Variants in ATXN10 observed in about 807,000 individuals in gnomAD.
ATXN10 encodes the protein ataxin-10.
Under a neutral mutation model 52.9 loss-of-function variants are expected in ATXN10, and 28 were observed. The observed-to-expected ratio is 0.53, with a 90% CI of 0.39 to 0.73. ATXN10 has a LOEUF of 0.73. ATXN10 is among the 30% of genes least tolerant of loss of function. The pLI, the probability that ATXN10 is intolerant of heterozygous loss-of-function variation, is 0.00. For synonymous variants in ATXN10, 226 were observed against 221.5 expected, an observed-to-expected ratio of 1.02 and a Z score of -0.18; for missense variants, 565 against 577.0, an observed-to-expected ratio of 0.98 and a Z score of 0.21.
Position 45,684,383 on chromosome 22 carries a change from C to T in ATXN10, c.117-5329C>T, listed in dbSNP as rs563230021. 3.9e-5 allele frequency among the ~76,000 whole-genome samples: 6 copies of T among 152,092 alleles called. No individual in the cohort carries two copies. In the East Asian group the frequency reaches 1.2e-3, roughly 29 times the overall value. Reference sequence around the variant, plus strand: ...GGGGAGAGGACTGGTATGTTTGGAGCCCTTTAAAGCAGGGGTTGCCAGACC... The same window carrying T: ...GGGGAGAGGACTGGTATGTTTGGAGTCCTTTAAAGCAGGGGTTGCCAGACC... On this transcript the variant is annotated intron_variant, in intron 1 of 11. Coordinates refer to ENST00000252934, the MANE Select transcript of ATXN10 (RefSeq NM_013236.4). The surrounding 1 kb of genome is among the most constrained non-coding windows in gnomAD (Gnocchi z 4.1).
rs1206438944 is a variant in ATXN10 at position 45,840,246 on chromosome 22, G to C, written c.1238-2745G>C. 6.6e-6 allele frequency among the ~76,000 whole-genome samples: 1 copy of C among 152,146 alleles called. No individual in the cohort carries two copies. Among genetic ancestry groups the C allele is most frequent in the Admixed American group, 6.5e-5 (1 of 15,272 alleles). On this transcript the variant is annotated intron_variant, in intron 10 of 11. Coordinates refer to ENST00000252934, the MANE Select transcript of ATXN10 (RefSeq NM_013236.4). This position sits in a 1 kb window ranked among gnomAD's most constrained non-coding sequence, Gnocchi z 5.8. ...GAACGAGACTCGGTGCTAGGATATC[G>C]AAGTCAATTAGATGGGGCTCCTGCC...
rs1926887647 is a variant in ATXN10, at chr22:45,774,593, T to G, written c.1174-32366T>G. Reference sequence around the variant, plus strand: ...TCCCAACTCTAGGAAATCTTCCATGTCAGGTTCCTGAAAAAGAGAAAGGAT... The same window carrying G: ...TCCCAACTCTAGGAAATCTTCCATGGCAGGTTCCTGAAAAAGAGAAAGGAT... On this transcript the variant is annotated intron_variant, in intron 9 of 11. Coordinates refer to ENST00000252934, the MANE Select transcript of ATXN10 (RefSeq NM_013236.4). This position sits in a 1 kb window ranked among gnomAD's most constrained non-coding sequence, Gnocchi z 6.2. Among the ~76,000 whole-genome samples the G allele has an allele frequency of 6.6e-6, 1 of 152,250 alleles. No homozygotes were observed.
intron 5 of ATXN10, among the ~76,000 whole-genome samples, chr22:45,711,730 C>A (rs1278378763): frequency 1.3e-5 from 2 of 152,078 alleles, no homozygotes; most frequent in African/African-American, 4.8e-5. Context: ...CGGTAAAGCA[C>A]CTGTGTATAT....
intron 7 of ATXN10, chr22:45,734,416 T>G: frequency 3.8e-6 from 1 of 263,240 alleles, no homozygotes; most frequent in South Asian, 3.7e-5. Context: ...CAGTAAACTA[T>G]TGTTTACGTA....
intron 10 of ATXN10, among the ~76,000 whole-genome samples, chr22:45,811,425 G>A (rs1047483992): frequency 2.0e-5 from 3 of 151,998 alleles, no homozygotes; most frequent in African/African-American, 7.3e-5. Context: ...TAATGTTTTG[G>A]TCAACACAGA....
rs1038497477 is a variant in ATXN10 at position 45,772,406 on chromosome 22, A to G, written c.1173+31868A>G. Among the ~76,000 whole-genome samples, 2 of 152,214 alleles carry G rather than the reference A, an allele frequency of 1.3e-5. No homozygotes were observed. Among genetic ancestry groups the G allele is most frequent in the African/African-American group, 2.4e-5 (1 of 41,450 alleles). ...GCCCAATTTGTGTGGGTCTGTTTCC[A>G]GATATGCTATTTTGTTCGTCGATAT... On this transcript the variant is annotated intron_variant, in intron 9 of 11. Transcript: ENST00000252934. The surrounding 1 kb of genome is among the most constrained non-coding windows in gnomAD (Gnocchi z 4.1).
rs964350525 is a variant in ATXN10, at chr22:45,683,458, A to G, written c.117-6254A>G. ...CACTTCTCTTTTCTCACTGGGGTTC[A>G]TTGAAGCCAGCCCTGACTTCCCTGT... On this transcript the variant is annotated intron_variant, in intron 1 of 11. Transcript: ENST00000252934. This position sits in a 1 kb window ranked among gnomAD's most constrained non-coding sequence, Gnocchi z 4.8. 1.3e-5 allele frequency among the ~76,000 whole-genome samples: 2 copies of G among 152,136 alleles called. No homozygotes were observed. The highest frequency in any genetic ancestry group is 2.4e-5 in the African/African-American group (1 of 41,418).
intron 7 of ATXN10, among the ~76,000 whole-genome samples, chr22:45,730,858 G>A (rs940908971): frequency 3.3e-5 from 5 of 152,188 alleles, no homozygotes; most frequent in African/African-American, 9.6e-5. Flanking sequence ...AAATTGCTAT[G>A]TATAAGGATA....
chr22:45,782,511 G>T (rs1372497265), intron 9 of ATXN10, among the ~76,000 whole-genome samples: 1 of 152,114 alleles, frequency 6.6e-6, no homozygotes, highest in African/African-American at 2.4e-5. Context: ...GCAGCAGCTG[G>T]GCACAAGAGA....
chr22:45,687,848 C>T (rs554993873), intron 1 of ATXN10, among the ~76,000 whole-genome samples: 12 of 152,248 alleles, frequency 7.9e-5, no homozygotes, highest in African/African-American at 2.2e-4. Flanking sequence ...ATCACGAGAT[C>T]GGGAGTTCGA....
chr22:45,828,491 A>T lies in ATXN10; in HGVS notation c.1238-14500A>T, dbSNP rs1312821878. Among the ~76,000 whole-genome samples the T allele has an allele frequency of 6.6e-6, 1 of 152,178 alleles. No individual in the cohort carries two copies. Among genetic ancestry groups the T allele is most frequent in the East Asian group, 1.9e-4 (1 of 5,198 alleles). ...ACAGAAGTTGCTTTTTTAAAGATCA[A>T]CAAAAGTTGACCAACTTTTAGCTAG... On this transcript the variant is annotated intron_variant, in intron 10 of 11. Transcript: ENST00000252934. The surrounding 1 kb of genome is among the most constrained non-coding windows in gnomAD (Gnocchi z 4.5).
In ATXN10 at chr22:45,757,297, T is replaced by C. The variant is rs927474613; in HGVS notation, c.1173+16759T>C. On this transcript the variant is annotated intron_variant, in intron 9 of 11. Transcript: ENST00000252934. The surrounding 1 kb of genome is among the most constrained non-coding windows in gnomAD (Gnocchi z 4.6). ...TTCAGCTACACCCTCCTCCCTCCCC[T>C]AGCCCCACACAAAACAAAAATGCCT... 6.6e-6 allele frequency among the ~76,000 whole-genome samples: 1 copy of C among 152,152 alleles called. No individual in the cohort carries two copies. The highest frequency in any genetic ancestry group is 1.5e-5 in the Non-Finnish European group (1 of 68,006).
chr22:45,691,594 T>G (rs1022170878), intron 2 of ATXN10, among the ~76,000 whole-genome samples: 4 of 152,228 alleles, frequency 2.6e-5, no homozygotes, highest in African/African-American at 9.6e-5. Flanking sequence ...TGTTCTGAGC[T>G]TAAGCTCAAA....
chr22:45,809,322 G>A (rs530604249), intron 10 of ATXN10, among the ~76,000 whole-genome samples: 1 of 151,436 alleles, frequency 6.6e-6, no homozygotes, highest in Non-Finnish European at 1.5e-5. Flanking sequence ...CCCCTTTCTT[G>A]TGCATTTTTT....
In ATXN10 at chr22:45,770,037, C is replaced by T. The variant is rs533610543; in HGVS notation, c.1173+29499C>T. The stretch of plus-strand genomic sequence containing the variant: ...GGCAAGACTAAGAGCTGAAGAAGGG[C>T]GGCTTAGGGTTTCTAGACCAGTAAT... On this transcript the variant is annotated intron_variant, in intron 9 of 11. Coordinates refer to ENST00000252934, the MANE Select transcript of ATXN10 (RefSeq NM_013236.4). This position sits in a 1 kb window ranked among gnomAD's most constrained non-coding sequence, Gnocchi z 4.5. Among the ~76,000 whole-genome samples the T allele has an allele frequency of 1.3e-4, 20 of 152,248 alleles. No homozygotes were observed. The highest frequency in any genetic ancestry group is 2.1e-4 in the South Asian group (1 of 4,820).
At chr22:45,836,441 C>T (rs1391747958) in intron 10 of ATXN10, among the ~76,000 whole-genome samples, 1 of 152,244 alleles carries the variant, frequency 6.6e-6, no homozygotes, top group East Asian at 1.9e-4. Flanking sequence ...CCTTGCTCTC[C>T]AGCACCCTGC....
chr22:45,842,975 T>C lies in ATXN10; in HGVS notation c.1238-16T>C, dbSNP rs754296166. On this transcript the variant is annotated splice_polypyrimidine_tract_variant and intron_variant, in intron 10 of 11. Coordinates refer to ENST00000252934, the MANE Select transcript of ATXN10 (RefSeq NM_013236.4). The surrounding 1 kb of genome is among the most constrained non-coding windows in gnomAD (Gnocchi z 4.8). ...ACAGGAAAGTACGTTGTCACATTCC[T>C]TCACTCTGGCTCCAGTTCTGACCCA... 1.2e-6 allele frequency: 2 copies of C among 1,613,970 alleles called. No individual in the cohort carries two copies. Among genetic ancestry groups the C allele is most frequent in the African/African-American group, 2.7e-5 (2 of 75,044 alleles).
At chr22:45,777,424 A>G (rs1601639784) in intron 9 of ATXN10, among the ~76,000 whole-genome samples, 1 of 152,248 alleles carries the variant, frequency 6.6e-6, no homozygotes. Flanking sequence ...TTCATATAAT[A>G]TATAAAATGC....
intron 10 of ATXN10, among the ~76,000 whole-genome samples, chr22:45,815,640 A>T (rs754314168): frequency 1.3e-5 from 2 of 149,544 alleles, no homozygotes; most frequent in African/African-American, 5.0e-5. Context: ...TCACTGGAAG[A>T]GTCCTCTTTG....
Sources: allele counts gnomAD v4.1 joint callset (sites outside exome capture counted in the v4.1 genomes callset), GRCh38; gene constraint gnomAD v4.1.1; non-coding constraint Gnocchi (gnomAD v3.1); transcripts MANE v1.5; gene names NCBI Gene and HGNC (gene_info 2026-07-23, HGNC 2026-07-21).